The following MARCHF3 variants were observed in gnomAD, a reference collection of about 807,000 sequenced individuals.
MARCHF3 encodes the protein E3 ubiquitin-protein ligase MARCHF3.
A neutral mutation model predicts 24.2 loss-of-function variants in MARCHF3; 13 were observed. That is an observed-to-expected ratio of 0.54 (90% CI 0.35 to 0.85). The LOEUF (loss-of-function observed/expected upper bound fraction) is 0.85. Among genes scored for constraint, MARCHF3 ranks in the 40% least tolerant of loss-of-function variants. The pLI is 0.01. For missense variants in MARCHF3, 276 were observed against 325.0 expected, an observed-to-expected ratio of 0.85 and a Z score of 1.16; for synonymous variants, 144 against 137.3, an observed-to-expected ratio of 1.05 and a Z score of -0.34.
chr5:126,889,609 T>G (rs1053925007), intron 3 of MARCHF3, among the ~76,000 whole-genome samples: 1 of 152,082 alleles, frequency 6.6e-6, no homozygotes, highest in Non-Finnish European at 1.5e-5. Flanking sequence ...AAGGGGAAAT[T>G]TCTTCCAAAT....
intron 1 of MARCHF3, among the ~76,000 whole-genome samples, chr5:127,012,782 T>C (rs950041260): frequency 2.0e-5 from 3 of 152,248 alleles, no homozygotes; most frequent in African/African-American, 4.8e-5. Context: ...TTGTCATTCA[T>C]AGTTTTTGAA....
intron 1 of MARCHF3, among the ~76,000 whole-genome samples, chr5:126,972,052 C>G (rs1463799841): frequency 6.6e-6 from 1 of 152,150 alleles, no homozygotes; most frequent in Non-Finnish European, 1.5e-5. Context: ...GACTCCCTGG[C>G]TCTGCAATTC....
chr5:126,929,865 A>C (rs1445257059), intron 1 of MARCHF3, among the ~76,000 whole-genome samples: 3 of 152,148 alleles, frequency 2.0e-5, no homozygotes, highest in Admixed American at 6.5e-5. Flanking sequence ...TGATGGTTTT[A>C]TAAAGGAGAG....
intron 1 of MARCHF3, among the ~76,000 whole-genome samples, chr5:126,951,131 C>T (rs2126815606): frequency 6.6e-6 from 1 of 152,332 alleles, no homozygotes; most frequent in South Asian, 2.1e-4. Flanking sequence ...TCTTACTTGA[C>T]CTCGCCACAG....
rs1754672226 is a variant in MARCHF3 at position 126,914,978 on chromosome 5, GA to G, written c.344del (p.Leu115ProfsTer15). On this transcript the variant is annotated frameshift_variant, in exon 3 of 5. Coordinates refer to ENST00000308660, the MANE Select transcript of MARCHF3 (RefSeq NM_178450.5). LOFTEE classifies it high-confidence loss of function. ...GCTCGACTGCAAACCTGAAGTGGCAGAGTTCACAGTAGCTGGTGTTTGAGGA... is the reference window on the plus strand; with the variant it reads ...GCTCGACTGCAAACCTGAAGTGGCAGGTTCACAGTAGCTGGTGTTTGAGGA... Reference protein sequence around the residue: ...LSSSNTSYCELCHFRFAVERK... With the variant: ...LSSSNTSYCEXCHFRFAVERK... 6.2e-7 allele frequency: 1 copy of G among 1,614,112 alleles called. No homozygotes were observed. Among genetic ancestry groups the G allele is most frequent in the African/African-American group, 1.3e-5 (1 of 74,950 alleles).
chr5:127,006,607 C>A (rs1270138920), intron 1 of MARCHF3, among the ~76,000 whole-genome samples: 2 of 152,090 alleles, frequency 1.3e-5, no homozygotes, highest in Non-Finnish European at 2.9e-5. Context: ...CTTATTATCA[C>A]AGAAATAGTT....
intron 3 of MARCHF3, among the ~76,000 whole-genome samples, chr5:126,879,498 C>A (rs895515519): frequency 6.6e-6 from 1 of 152,154 alleles, no homozygotes; most frequent in African/African-American, 2.4e-5. Context: ...CTGAACTAAT[C>A]CCCAAAAGGA....
At chr5:127,015,788 A>G (rs1752620585) in intron 1 of MARCHF3, among the ~76,000 whole-genome samples, 1 of 152,198 alleles carries the variant, frequency 6.6e-6, no homozygotes, top group South Asian at 2.1e-4. Flanking sequence ...TTGGTCAACC[A>G]TGGCCCGAAA....
intron 1 of MARCHF3, among the ~76,000 whole-genome samples, chr5:126,979,085 C>T (rs114488535): frequency 0.016 from 2,506 of 152,310 alleles, 64 homozygotes; most frequent in African/African-American, 0.057. Context: ...TGCACACGGA[C>T]TTTCCTTAAT....
chr5:126,876,292 C>A (rs1472710788), intron 4 of MARCHF3, among the ~76,000 whole-genome samples: 1 of 152,252 alleles, frequency 6.6e-6, no homozygotes, highest in African/African-American at 2.4e-5. Context: ...AAGCTCACTT[C>A]ATCCATCCTT....
At chr5:127,014,427 C>G (rs1317130659) in intron 1 of MARCHF3, among the ~76,000 whole-genome samples, 1 of 151,822 alleles carries the variant, frequency 6.6e-6, no homozygotes, top group Admixed American at 6.6e-5. Context: ...AACAGAACTA[C>G]TGTACGATCC....
intron 4 of MARCHF3, among the ~76,000 whole-genome samples, chr5:126,872,820 A>T (rs1302327431): frequency 2.0e-5 from 3 of 152,146 alleles, no homozygotes; most frequent in African/African-American, 7.2e-5. Flanking sequence ...CTTTTCTCCA[A>T]AAGTCCCTGA....
At chr5:126,872,442 T>C (rs549213003) in intron 4 of MARCHF3, among the ~76,000 whole-genome samples, 10 of 152,224 alleles carry the variant, frequency 6.6e-5, no homozygotes, top group East Asian at 1.9e-4. Context: ...GCATAAAACA[T>C]TGATGGACCG....
intron 3 of MARCHF3, among the ~76,000 whole-genome samples, chr5:126,883,854 G>A (rs1368127328): frequency 2.0e-5 from 3 of 152,144 alleles, no homozygotes; most frequent in Admixed American, 1.3e-4. Context: ...TAATAGCTCT[G>A]ATCGATAACA....
At chr5:126,985,471 ATTT>A (rs1206777153) in intron 1 of MARCHF3, among the ~76,000 whole-genome samples, 4 of 118,946 alleles carry the variant, frequency 3.4e-5, no homozygotes, top group African/African-American at 3.5e-5. Flanking sequence ...ATGAACTTTT[ATTT>A]TTTTTTTTTT....
At chr5:127,017,421 A>T (rs1259859093) in intron 1 of MARCHF3, among the ~76,000 whole-genome samples, 1 of 152,232 alleles carries the variant, frequency 6.6e-6, no homozygotes, top group Non-Finnish European at 1.5e-5. Flanking sequence ...GATGCTTCTC[A>T]ACTTACAAGG....
intron 1 of MARCHF3, among the ~76,000 whole-genome samples, chr5:126,936,471 A>G (rs1749650250): frequency 6.6e-6 from 1 of 152,170 alleles, no homozygotes; most frequent in African/African-American, 2.4e-5. Context: ...ACTGGAAAAC[A>G]CAATATAAGG....
At position 126,972,962 on chromosome 5, in the gene MARCHF3, CAT is replaced by C. The variant is rs533942589; in HGVS notation, c.-56-54737_-56-54736del. 2.6e-3 allele frequency among the ~76,000 whole-genome samples: 398 copies of C among 152,356 alleles called. 2 individuals are homozygous for C. Among genetic ancestry groups the C allele is most frequent in the Admixed American group, 3.8e-3 (58 of 15,304 alleles). On this transcript the variant is annotated intron_variant, in intron 1 of 4. Transcript: ENST00000308660. ...AGTGTATGCTAATGTCTCTATATCA[CAT>C]GATATATCAGTTTAAAATATTCTTT...
intron 1 of MARCHF3, among the ~76,000 whole-genome samples, chr5:126,992,617 A>T (rs1443998600): frequency 6.6e-6 from 1 of 152,130 alleles, no homozygotes; most frequent in African/African-American, 2.4e-5. Flanking sequence ...GAGGTTACGT[A>T]CTACACATTA....
Sources: gnomAD v4.1 joint callset for allele counts (sites outside exome capture counted in the v4.1 genomes callset) on GRCh38, gnomAD v4.1.1 for gene constraint, MANE v1.5 for transcripts, NCBI Gene and HGNC (gene_info 2026-07-23, HGNC 2026-07-21) for gene names.